Variants in MPPED2 observed in about 807,000 individuals in gnomAD.
MPPED2 encodes the protein metallophosphoesterase MPPED2.
In MPPED2, 5 loss-of-function variants were observed where a neutral mutation model predicts 33.0. The ratio of observed to expected loss-of-function variants is 0.15; its 90% CI spans 0.08 to 0.32. MPPED2 has a LOEUF of 0.32. Among genes scored for constraint, MPPED2 ranks in the 10% least tolerant of loss-of-function variants. MPPED2 has a pLI of 1.00. For synonymous variants in MPPED2, 136 were observed against 141.9 expected (o/e 0.96, Z 0.29); for missense variants, 275 against 372.1 (o/e 0.74, Z 2.15).
intron 4 of MPPED2, among the ~76,000 whole-genome samples, chr11:30,443,914 A>T (rs990504572): frequency 1.3e-5 from 2 of 152,206 alleles, no homozygotes; most frequent in South Asian, 4.1e-4. Context: ...ATTGCCCTCA[A>T]TCCACATTTG....
At chr11:30,450,119 A>C (rs1949991840) in intron 4 of MPPED2, among the ~76,000 whole-genome samples, 3 of 152,258 alleles carry the variant, frequency 2.0e-5, no homozygotes, top group Admixed American at 2.0e-4. Context: ...GCCAGCCACA[A>C]AACATAAGAG....
intron 1 of MPPED2, chr11:30,584,692 G>A (rs1256621526): frequency 1.3e-5 from 2 of 152,480 alleles, no homozygotes; most frequent in Non-Finnish European, 2.9e-5. Flanking sequence ...AGCCTCCCGG[G>A]CGCGTTGGCA....
At chr11:30,409,828 G>A (rs576905360), downstream of MPPED2, among the ~76,000 whole-genome samples, 1 of 152,166 alleles carries the variant, frequency 6.6e-6, no homozygotes, top group Non-Finnish European at 1.5e-5. Context: ...ACAAAAGTGA[G>A]GAGGAGATGG....
intron 3 of MPPED2, among the ~76,000 whole-genome samples, chr11:30,527,366 G>GT (rs34308491): frequency 0.26 from 36,608 of 142,584 alleles, 4,712 homozygotes; most frequent in East Asian, 0.41. Context: ...TGAAAGAGTT[G>GT]TTTTTTTTTT....
intron 4 of MPPED2, among the ~76,000 whole-genome samples, chr11:30,419,969 C>A (rs1009770801): frequency 2.6e-5 from 4 of 152,272 alleles, no homozygotes; most frequent in Admixed American, 6.5e-5. Context: ...TTAGTTAGAT[C>A]CTGTTTCTTG....
chr11:30,546,593 G>A (rs945989076), intron 2 of MPPED2, among the ~76,000 whole-genome samples: 53 of 152,100 alleles, frequency 3.5e-4, no homozygotes, highest in African/African-American at 1.3e-3. Flanking sequence ...CTTCATATTT[G>A]CATGGCTAAT....
In MPPED2 at chr11:30,495,414, A is replaced by T; in HGVS notation, c.418T>A (p.Ser140Thr). 1 of 1,614,090 alleles carries T rather than the reference A, an allele frequency of 6.2e-7. No homozygotes were observed. The highest frequency in any genetic ancestry group is 8.5e-7 in the Non-Finnish European group (1 of 1,179,926). Residue 140 changes from serine (S) to threonine (T), a missense_variant, in exon 4 of 7, where the codon TCT becomes ACT. By Grantham distance (58) the Ser-to-Thr change is moderately conservative. Transcript: ENST00000358117. ...LVKQDYYRFP[S>T]VSKLKPEDFD... ...TCCTCTGGTTTCAATTTGGACACAGAGGGGAAACGGTAGTAGTCCTGTTTA... is the reference window on the plus strand; with the variant it reads ...TCCTCTGGTTTCAATTTGGACACAGTGGGGAAACGGTAGTAGTCCTGTTTA...
intron 2 of MPPED2, among the ~76,000 whole-genome samples, chr11:30,562,743 G>A (rs1025682896): frequency 2.0e-4 from 31 of 152,192 alleles, no homozygotes; most frequent in African/African-American, 6.7e-4. Flanking sequence ...ACCTCTCTGG[G>A]CTGCCAGTAG....
intron 2 of MPPED2, among the ~76,000 whole-genome samples, chr11:30,555,625 T>G (rs1377880108): frequency 1.3e-5 from 2 of 152,182 alleles, no homozygotes; most frequent in African/African-American, 4.8e-5. Flanking sequence ...GCAGACCCCC[T>G]GCACATGCTC....
At chr11:30,437,618 C>T (rs951100689) in intron 4 of MPPED2, among the ~76,000 whole-genome samples, 2 of 152,224 alleles carry the variant, frequency 1.3e-5, no homozygotes, top group East Asian at 3.9e-4. Context: ...GCCAGCCTTC[C>T]TCTACCCAGT....
At chr11:30,433,299 G>T (rs185339797) in intron 4 of MPPED2, among the ~76,000 whole-genome samples, 2 of 152,302 alleles carry the variant, frequency 1.3e-5, no homozygotes. Context: ...AAGCCTGTTT[G>T]ATGTAATGGA....
chr11:30,537,785 G>T (rs1954891399), intron 2 of MPPED2, among the ~76,000 whole-genome samples: 2 of 152,148 alleles, frequency 1.3e-5, no homozygotes, highest in Admixed American at 6.5e-5. Context: ...CTGTTAGAAA[G>T]GTTAGAAATT....
At chr11:30,480,777 A>C (rs1286819249) in intron 4 of MPPED2, among the ~76,000 whole-genome samples, 2 of 152,166 alleles carry the variant, frequency 1.3e-5, no homozygotes, top group African/African-American at 4.8e-5. Context: ...AAAGTTATGC[A>C]TTTCAATTCC....
chr11:30,384,373 G>T (rs957899780), downstream of MPPED2: 1 of 151,866 alleles, frequency 6.6e-6, no homozygotes, highest in Non-Finnish European at 1.5e-5. Flanking sequence ...ATTTTAAAAT[G>T]TGGATTGAAT....
chr11:30,508,752 G>C (rs537395033), intron 3 of MPPED2, among the ~76,000 whole-genome samples: 1 of 152,102 alleles, frequency 6.6e-6, no homozygotes. Context: ...AGGGCCAAAC[G>C]TTCTGTGGTA....
chr11:30,401,995 C>T (rs1339090660), intron 6 of MPPED2, among the ~76,000 whole-genome samples: 3 of 152,118 alleles, frequency 2.0e-5, no homozygotes, highest in Non-Finnish European at 4.4e-5. Context: ...CCGCCCCCGG[C>T]CTACATAAGA....
chr11:30,417,308 C>A (rs367895313), intron 5 of MPPED2, among the ~76,000 whole-genome samples: 2 of 152,028 alleles, frequency 1.3e-5, no homozygotes, highest in East Asian at 3.9e-4. Context: ...TTGACTAAAT[C>A]AAAAAATTTA....
rs16920865 is a variant in MPPED2, at chr11:30,516,665, A to G, written c.310+19329T>C. Among the ~76,000 whole-genome samples, 209 of 152,330 alleles carry G rather than the reference A, an allele frequency of 1.4e-3. 3 individuals carry two copies. In the East Asian group the frequency reaches 0.026, roughly 19 times the overall value. ...GTCTTGCATTAACATAAGCTACTGC[A>G]TCTTGATTTTCAATGGCACTGTAAT... On this transcript the variant is annotated intron_variant, in intron 3 of 6. Coordinates refer to ENST00000358117, the MANE Select transcript of MPPED2 (RefSeq NM_001584.3).
intron 2 of MPPED2, among the ~76,000 whole-genome samples, chr11:30,575,872 C>G (rs920062470): frequency 5.3e-5 from 8 of 152,106 alleles, no homozygotes; most frequent in Non-Finnish European, 1.2e-4. Context: ...ACTTGCCAAC[C>G]CTGACAAACC....
Sources: allele counts gnomAD v4.1 joint callset (sites outside exome capture counted in the v4.1 genomes callset), GRCh38; gene constraint gnomAD v4.1.1; transcripts MANE v1.5; gene names NCBI Gene and HGNC (gene_info 2026-07-23, HGNC 2026-07-21).